SPDYE10: variants seen among roughly 807,000 people sequenced by gnomAD.
SPDYE10 encodes the protein speedy/RINGO cell cycle regulator family member E10.
At chr7:73,137,542 GAGAAAGAAAGAGAA>G in the SPDYE10 span, among the ~76,000 whole-genome samples, 1 of 133,496 alleles carries the variant, frequency 7.5e-6, no homozygotes, top group African/African-American at 2.9e-5. Flanking sequence ...GAAAGAGAGA[GAGAAAGAAAGAGAA>G]AGAAAGAAGA....
At chr7:73,132,532 G>A in the SPDYE10 span, among the ~76,000 whole-genome samples, 13 of 146,592 alleles carry the variant, frequency 8.9e-5, no homozygotes, top group South Asian at 2.9e-3. Flanking sequence ...GGGTGACAGG[G>A]CAAGACCCTG....
At chr7:73,132,606 G>C in the SPDYE10 span, among the ~76,000 whole-genome samples, 2 of 148,102 alleles carry the variant, frequency 1.4e-5, no homozygotes, top group Non-Finnish European at 3.0e-5. Flanking sequence ...GGTTCAGTGT[G>C]GCCTCCTGAG....
the SPDYE10 span, among the ~76,000 whole-genome samples, chr7:73,130,248 G>C: frequency 6.7e-6 from 1 of 150,090 alleles, no homozygotes; most frequent in Non-Finnish European, 1.5e-5. Context: ...GAGCCCAAGA[G>C]TTCAAGACCA....
the SPDYE10 span, among the ~76,000 whole-genome samples, chr7:73,128,502 T>C: frequency 7.0e-6 from 1 of 142,078 alleles, no homozygotes; most frequent in African/African-American, 2.8e-5. Flanking sequence ...ACATAGCATT[T>C]TGAGTCTGTC....
chr7:73,141,109 C>CAG, the SPDYE10 span, among the ~76,000 whole-genome samples: 1 of 149,354 alleles, frequency 6.7e-6, no homozygotes, highest in African/African-American at 2.5e-5. Context: ...CACACACACA[C>CAG]ACAGACAAAA....
chr7:73,123,765 T>TCTATCTC, the SPDYE10 span, among the ~76,000 whole-genome samples: 1 of 82,306 alleles, frequency 1.2e-5, no homozygotes, highest in Non-Finnish European at 2.9e-5. Context: ...GCCATTTCCT[T>TCTATCTC]TCTCTCTCTC....
chr7:73,151,975 T>G, the SPDYE10 span, among the ~76,000 whole-genome samples: 1 of 151,322 alleles, frequency 6.6e-6, no homozygotes, highest in Admixed American at 6.6e-5. Context: ...AGCCTTGTTT[T>G]GTTTCACCTG....
chr7:73,154,540 C>G, the SPDYE10 span, among the ~76,000 whole-genome samples: 16 of 145,498 alleles, frequency 1.1e-4, no homozygotes, highest in Non-Finnish European at 3.0e-5. Context: ...GGCTTCTCCG[C>G]ACTCTCATGA....
the SPDYE10 span, among the ~76,000 whole-genome samples, chr7:73,123,765 T>TC: frequency 1.1e-4 from 9 of 82,286 alleles, no homozygotes; most frequent in African/African-American, 2.8e-4. Flanking sequence ...GCCATTTCCT[T>TC]TCTCTCTCTC....
At chr7:73,115,032 G>A in the SPDYE10 span, among the ~76,000 whole-genome samples, 6 of 152,270 alleles carry the variant, frequency 3.9e-5, no homozygotes, top group South Asian at 1.0e-3. Context: ...GAGTAGCTGG[G>A]ATTACAGGCA....
At chr7:73,113,867 A>G in the SPDYE10 span, among the ~76,000 whole-genome samples, 2 of 152,052 alleles carry the variant, frequency 1.3e-5, no homozygotes, top group African/African-American at 4.8e-5. Flanking sequence ...CTCTGCTAAA[A>G]ATACAAAAAG....
the SPDYE10 span, among the ~76,000 whole-genome samples, chr7:73,122,722 C>T: frequency 6.7e-6 from 1 of 150,248 alleles, no homozygotes; most frequent in Non-Finnish European, 1.5e-5. Context: ...GAACGTCCCC[C>T]TTCCCACAGG....
chr7:73,138,538 C>T, the SPDYE10 span, among the ~76,000 whole-genome samples: 1 of 148,596 alleles, frequency 6.7e-6, no homozygotes, highest in Non-Finnish European at 1.5e-5. Flanking sequence ...ACCACCACGC[C>T]CAGCTAATTT....
chr7:73,134,536 A>AAAGAAAGAAAGAAAG, the SPDYE10 span, among the ~76,000 whole-genome samples: 2 of 5,066 alleles, frequency 3.9e-4, no homozygotes, highest in African/African-American at 1.2e-3. Context: ...AGAAAGAAAG[A>AAAGAAAGAAAGAAAG]AAAAGAAAGA....
At chr7:73,135,871 C>CT in the SPDYE10 span, among the ~76,000 whole-genome samples, 444 of 37,036 alleles carry the variant, frequency 0.012, 11 homozygotes, top group Middle Eastern at 0.023. Flanking sequence ...CGCACCCGGT[C>CT]TTTTTTTTTT....
the SPDYE10 span, among the ~76,000 whole-genome samples, chr7:73,144,917 G>C: frequency 1.2e-5 from 1 of 82,080 alleles, no homozygotes; most frequent in Non-Finnish European, 2.1e-5. Context: ...TCGGGAGGCT[G>C]AGGCATGAGA....
the SPDYE10 span, among the ~76,000 whole-genome samples, chr7:73,127,989 G>A: frequency 7.7e-6 from 1 of 129,226 alleles, no homozygotes; most frequent in South Asian, 2.8e-4. Flanking sequence ...TCCAGCACTA[G>A]TGCTATAGAA....
the SPDYE10 span, among the ~76,000 whole-genome samples, chr7:73,114,442 T>C: frequency 2.8e-3 from 418 of 149,896 alleles, 3 homozygotes; most frequent in African/African-American, 9.7e-3. Context: ...AGAGAATACT[T>C]TGTTTCAAAT....
the SPDYE10 span, among the ~76,000 whole-genome samples, chr7:73,127,638 T>TAA: frequency 8.8e-3 from 568 of 64,258 alleles, 7 homozygotes; most frequent in Non-Finnish European, 0.011. Flanking sequence ...GGAAGACAAT[T>TAA]AAAAAAAAAA....
Sources: allele counts gnomAD v4.1 joint callset (sites outside exome capture counted in the v4.1 genomes callset), GRCh38; gene constraint gnomAD v4.1.1; transcripts MANE v1.5; gene names NCBI Gene and HGNC (gene_info 2026-07-23, HGNC 2026-07-21).